Variants in TRIQK observed in about 807,000 individuals in gnomAD.
TRIQK encodes triple QxxK/R motif containing.
A neutral mutation model predicts 10.8 loss-of-function variants in TRIQK; 10 were observed. That is an observed-to-expected ratio of 0.92 (90% CI 0.57 to 1.57). The LOEUF (loss-of-function observed/expected upper bound fraction) is 1.57. Among genes scored for constraint, TRIQK ranks in the 40% most tolerant of loss-of-function variants. The pLI is 0.00. For missense variants in TRIQK, 107 were observed against 97.7 expected (o/e 1.09, Z -0.40); for synonymous variants, 33 against 33.7 (o/e 0.98, Z 0.07).
intron 4 of TRIQK, among the ~76,000 whole-genome samples, chr8:92,887,343 C>T (rs1359862882): frequency 1.3e-5 from 2 of 151,404 alleles, no homozygotes; most frequent in Non-Finnish European, 3.0e-5. Flanking sequence ...ACTCATGAAG[C>T]ATAATACAAT....
intron 1 of TRIQK, among the ~76,000 whole-genome samples, chr8:92,978,756 C>T (rs1006592864): frequency 6.6e-6 from 1 of 152,052 alleles, no homozygotes; most frequent in Non-Finnish European, 1.5e-5. Flanking sequence ...TGCATTTTTG[C>T]TTACTCCTTA....
intron 3 of TRIQK, among the ~76,000 whole-genome samples, chr8:92,912,583 A>G (rs1411810062): frequency 2.0e-5 from 3 of 151,920 alleles, no homozygotes; most frequent in Non-Finnish European, 2.9e-5. Flanking sequence ...GAAATAAATG[A>G]AATAGAGAAT....
chr8:92,998,045 T>A (rs1813172135), intron 1 of TRIQK, among the ~76,000 whole-genome samples: 1 of 151,922 alleles, frequency 6.6e-6, no homozygotes, highest in Non-Finnish European at 1.5e-5. Flanking sequence ...TGTATGTATA[T>A]GATTAGTATG....
At chr8:92,993,791 T>C (rs1463078320) in intron 1 of TRIQK, among the ~76,000 whole-genome samples, 1 of 152,258 alleles carries the variant, frequency 6.6e-6, no homozygotes, top group African/African-American at 2.4e-5. Context: ...CCTTTAGTTC[T>C]TTATGACTAG....
chr8:92,987,590 C>A (rs543347725), intron 1 of TRIQK, among the ~76,000 whole-genome samples: 22 of 151,988 alleles, frequency 1.4e-4, no homozygotes, highest in African/African-American at 5.3e-4. Context: ...TGAGCTATTA[C>A]CAGAAGTAAT....
At chr8:93,011,791 A>T (rs937959457) in intron 1 of TRIQK, among the ~76,000 whole-genome samples, 1 of 152,190 alleles carries the variant, frequency 6.6e-6, no homozygotes, top group African/African-American at 2.4e-5. Context: ...TATTTTACAG[A>T]TGAAGCAGCT....
chr8:92,957,263 TATAA>T (rs1413311964), intron 1 of TRIQK, among the ~76,000 whole-genome samples: 3 of 151,798 alleles, frequency 2.0e-5, no homozygotes, highest in African/African-American at 7.2e-5. Context: ...TAAGTATGTA[TATAA>T]ATATACATAT....
chr8:92,949,904 A>G (rs1811806281), intron 2 of TRIQK, among the ~76,000 whole-genome samples: 1 of 151,956 alleles, frequency 6.6e-6, no homozygotes, highest in African/African-American at 2.4e-5. Flanking sequence ...AAAGAAAGAA[A>G]AAAGAAAAAA....
intron 2 of TRIQK, chr8:92,921,451 T>A (rs1007223786): frequency 5.3e-5 from 8 of 151,794 alleles, no homozygotes; most frequent in African/African-American, 1.9e-4. Context: ...CATCACTTAT[T>A]TTCAACCAAC....
At chr8:92,993,029 A>G (rs1813113367) in intron 1 of TRIQK, among the ~76,000 whole-genome samples, 1 of 152,202 alleles carries the variant, frequency 6.6e-6, no homozygotes, top group Non-Finnish European at 1.5e-5. Context: ...AAAGGAACCT[A>G]TGAAGAGAAG....
At chr8:92,953,715 T>C (rs946697554) in intron 2 of TRIQK, 1 of 151,842 alleles carries the variant, frequency 6.6e-6, no homozygotes, top group Non-Finnish European at 1.5e-5. Context: ...AAGATGAAAT[T>C]AGAGAAATAA....
intron 1 of TRIQK, among the ~76,000 whole-genome samples, chr8:93,005,723 A>G (rs568204828): frequency 4.7e-4 from 72 of 152,260 alleles, no homozygotes; most frequent in African/African-American, 1.7e-3. Flanking sequence ...ACTTCTATTA[A>G]TAGAAGTGGT....
intron 2 of TRIQK, among the ~76,000 whole-genome samples, chr8:92,918,414 A>G (rs192236776): frequency 2.0e-5 from 3 of 152,092 alleles, no homozygotes; most frequent in Non-Finnish European, 4.4e-5. Context: ...GATAGCAGCC[A>G]CTGTAACTAG....
At chr8:93,004,585 A>G (rs1458177785) in intron 1 of TRIQK, among the ~76,000 whole-genome samples, 8 of 152,210 alleles carry the variant, frequency 5.3e-5, no homozygotes, top group Non-Finnish European at 1.5e-5. Context: ...TTTCTACCCC[A>G]TGGTTGAGCC....
chr8:92,911,406 A>G (rs1408519301), intron 3 of TRIQK, among the ~76,000 whole-genome samples: 1 of 151,336 alleles, frequency 6.6e-6, no homozygotes, highest in Non-Finnish European at 1.5e-5. Context: ...TTAACAAAAA[A>G]TGACAATAAA....
intron 1 of TRIQK, among the ~76,000 whole-genome samples, chr8:93,001,489 T>G (rs994602192): frequency 1.3e-5 from 2 of 152,020 alleles, no homozygotes; most frequent in Middle Eastern, 3.2e-3. Flanking sequence ...GTAGCTAAAT[T>G]TATACCAGAT....
chr8:92,889,740 C>G (rs1212859520), intron 4 of TRIQK, among the ~76,000 whole-genome samples: 1 of 151,586 alleles, frequency 6.6e-6, no homozygotes, highest in Non-Finnish European at 1.5e-5. Flanking sequence ...CTCCTGACAA[C>G]ATTATGAGGT....
intron 1 of TRIQK, among the ~76,000 whole-genome samples, chr8:93,015,416 A>G (rs1813374619): frequency 6.6e-6 from 1 of 150,746 alleles, no homozygotes; most frequent in Admixed American, 6.6e-5. Context: ...TTACTTTTAT[A>G]GTTTTGCTAA....
At chr8:92,999,334 C>G (rs912995494) in intron 1 of TRIQK, among the ~76,000 whole-genome samples, 8 of 152,218 alleles carry the variant, frequency 5.3e-5, no homozygotes, top group Non-Finnish European at 5.9e-5. Context: ...CTGTTTCAAT[C>G]TATTAGCTAA....
Sources: gnomAD v4.1 joint callset for allele counts (sites outside exome capture counted in the v4.1 genomes callset) on GRCh38, gnomAD v4.1.1 for gene constraint, MANE v1.5 for transcripts, NCBI Gene and HGNC (gene_info 2026-07-23, HGNC 2026-07-21) for gene names.